The following CYYR1 variants were observed in gnomAD, a reference collection of about 807,000 sequenced individuals.
The protein encoded by CYYR1 is cysteine and tyrosine-rich protein 1.
A neutral mutation model predicts 15.2 loss-of-function variants in CYYR1; 14 were observed. That is an observed-to-expected ratio of 0.92 (90% confidence interval 0.61 to 1.44). The LOEUF is 1.44. Ranked by LOEUF, CYYR1 falls within the 40% of genes most tolerant of loss-of-function variation. CYYR1 has a pLI of 0.00. For synonymous variants in CYYR1, 80 were observed against 77.4 expected (o/e 1.03, Z -0.18); for missense variants, 228 against 209.5 (o/e 1.09, Z -0.54).
intron 2 of CYYR1, among the ~76,000 whole-genome samples, chr21:26,527,261 C>T (rs1290442248): frequency 2.6e-5 from 4 of 152,174 alleles, no homozygotes; most frequent in Non-Finnish European, 5.9e-5. Flanking sequence ...AATAAGTAGT[C>T]TCATCAATAA....
chr21:26,545,741 G>A (rs935601924), intron 2 of CYYR1, among the ~76,000 whole-genome samples: 15 of 151,596 alleles, frequency 9.9e-5, no homozygotes, highest in Middle Eastern at 3.4e-3. Context: ...CACCACGCCC[G>A]GCTAATTTTT....
intron 2 of CYYR1, among the ~76,000 whole-genome samples, chr21:26,563,975 T>A (rs942820331): frequency 4.6e-5 from 7 of 152,236 alleles, no homozygotes; most frequent in Non-Finnish European, 8.8e-5. Flanking sequence ...TTGTTCCTTA[T>A]TACTTTTCTA....
At chr21:26,538,334 AATGGGCCCTT>A (rs1287634376) in intron 2 of CYYR1, among the ~76,000 whole-genome samples, 2 of 152,170 alleles carry the variant, frequency 1.3e-5, no homozygotes, top group African/African-American at 4.8e-5. Flanking sequence ...GGAAAAGGGT[AATGGGCCCTT>A]AATAATATTT....
At chr21:26,544,314 TA>T (rs1038213582) in intron 2 of CYYR1, among the ~76,000 whole-genome samples, 6 of 152,210 alleles carry the variant, frequency 3.9e-5, no homozygotes, top group Admixed American at 6.5e-5. Context: ...GACTCACTGT[TA>T]AATGCAGAGC....
chr21:26,571,627 G>A (rs1014165058), intron 1 of CYYR1, among the ~76,000 whole-genome samples: 4 of 152,306 alleles, frequency 2.6e-5, no homozygotes, highest in East Asian at 3.9e-4. Flanking sequence ...TAATTACTTC[G>A]AAAGAACTAA....
At chr21:26,482,144 C>A (rs909205802) in intron 2 of CYYR1, 2 of 399,340 alleles carry the variant, frequency 5.0e-6, no homozygotes, top group Non-Finnish European at 6.8e-6. Context: ...ATCTCTCAGA[C>A]AAGATTTATC....
chr21:26,533,118 A>G (rs1052550549), intron 2 of CYYR1, among the ~76,000 whole-genome samples: 14 of 151,050 alleles, frequency 9.3e-5, no homozygotes, highest in African/African-American at 3.4e-4. Context: ...CCATAATGGT[A>G]AATATATTTA....
At chr21:26,478,196 C>A in intron 3 of CYYR1, 5 of 1,538,594 alleles carry the variant, frequency 3.2e-6, no homozygotes, top group Non-Finnish European at 4.4e-6. Flanking sequence ...TATACGATAT[C>A]TTGGAAGATT....
intron 2 of CYYR1, among the ~76,000 whole-genome samples, chr21:26,548,429 C>T (rs1979135989): frequency 6.6e-6 from 1 of 152,218 alleles, no homozygotes; most frequent in Non-Finnish European, 1.5e-5. Flanking sequence ...TCATTACAGC[C>T]TCGAACTCCT....
chr21:26,521,513 A>G (rs222929), intron 2 of CYYR1, among the ~76,000 whole-genome samples: 2,358 of 152,338 alleles, frequency 0.015, 29 homozygotes, highest in South Asian at 0.068. Context: ...AAACATCAGG[A>G]CTAATTTATC....
chr21:26,478,150 T>C (rs2065127238), intron 3 of CYYR1: 1 of 1,548,710 alleles, frequency 6.5e-7, no homozygotes, highest in Admixed American at 2.0e-5. Context: ...GAAGAGGAAA[T>C]GAACAATAAA....
chr21:26,560,612 T>G (rs1980130964), intron 2 of CYYR1, among the ~76,000 whole-genome samples: 4 of 152,328 alleles, frequency 2.6e-5, no homozygotes, highest in Admixed American at 2.6e-4. Context: ...TTCTTCTATA[T>G]CCCTAGTTTG....
intron 2 of CYYR1, among the ~76,000 whole-genome samples, chr21:26,485,208 TA>T (rs1175812682): frequency 6.6e-6 from 1 of 152,042 alleles, no homozygotes; most frequent in Non-Finnish European, 1.5e-5. Flanking sequence ...TATTTTAAAA[TA>T]ATTATAAATT....
chr21:26,537,550 CA>C (rs1978315773), intron 2 of CYYR1, among the ~76,000 whole-genome samples: 1 of 152,138 alleles, frequency 6.6e-6, no homozygotes, highest in South Asian at 2.1e-4. Context: ...TTTACTGTTA[CA>C]GAGAAGAGCA....
At chr21:26,475,896 A>G (rs555924501) in intron 3 of CYYR1, among the ~76,000 whole-genome samples, 232 of 152,264 alleles carry the variant, frequency 1.5e-3, no homozygotes, top group Admixed American at 2.4e-3. Context: ...CATAGTCACA[A>G]TATTATTATA....
At chr21:26,490,404 G>T (rs2065312337) in intron 2 of CYYR1, among the ~76,000 whole-genome samples, 3 of 152,004 alleles carry the variant, frequency 2.0e-5, no homozygotes, top group Non-Finnish European at 4.4e-5. Context: ...TGACTTTAAA[G>T]ATTTTAGAGC....
rs931086980 is a variant in CYYR1 at position 26,573,076 on chromosome 21, G to C, written c.-136C>G. On this transcript the variant is annotated 5_prime_UTR_variant, in exon 1 of 4. Transcript: ENST00000652641. ...AGCAGAGACCCGGCCATTGCCTAGG[G>C]AGCCTTCCAAGGGAGCCCGGGCCGG... 16 of 1,550,126 alleles carry C rather than the reference G, an allele frequency of 1.0e-5. No individual in the cohort carries two copies. Among genetic ancestry groups the C allele is most frequent in the Non-Finnish European group, 1.4e-5 (16 of 1,150,980 alleles).
At position 26,566,283 on chromosome 21, in the gene CYYR1, A is replaced by G. The variant is rs1276578432; in HGVS notation, c.159T>C (p.Tyr53=). The change falls in exon 2 of 4, where the codon TAT becomes TAC. Residue 53 remains tyrosine, a synonymous_variant. Transcript: ENST00000652641. The part of the protein sequence containing the change: ...TTPYCCSYYA[Y]IGNILSGTAI... ...ATACTCACGAGAGGATATTCCCAAT[A>G]TAAGCGTAGTAGGAGCAACAGTAGG... 1 of 1,613,436 alleles carries G rather than the reference A, an allele frequency of 6.2e-7. No individual in the cohort carries two copies. The highest frequency in any genetic ancestry group is 8.5e-7 in the Non-Finnish European group (1 of 1,179,550).
chr21:26,534,973 C>T (rs1367964379), intron 2 of CYYR1, among the ~76,000 whole-genome samples: 1 of 152,106 alleles, frequency 6.6e-6, no homozygotes, highest in African/African-American at 2.4e-5. Context: ...ACCTATGATA[C>T]AAATGTATTC....
Sources: gnomAD v4.1 joint callset for allele counts (sites outside exome capture counted in the v4.1 genomes callset) on GRCh38, gnomAD v4.1.1 for gene constraint, MANE v1.5 for transcripts, NCBI Gene and HGNC (gene_info 2026-07-23, HGNC 2026-07-21) for gene names.